The following AGBL3 variants were observed in gnomAD, a reference collection of about 807,000 sequenced individuals.
AGBL3 encodes AGBL carboxypeptidase 3.
A neutral mutation model predicts 94.5 loss-of-function variants in AGBL3; 68 were observed. The ratio of observed to expected loss-of-function variants is 0.72; its 90% CI spans 0.59 to 0.88. The LOEUF is 0.88. AGBL3 is among the 40% of genes least tolerant of loss of function. AGBL3 has a pLI of 0.00. For missense variants in AGBL3, 934 were observed against 1,103.8 expected (o/e 0.85, Z 2.18); for synonymous variants, 354 against 370.7 (o/e 0.95, Z 0.52).
At position 135,081,905 on chromosome 7, in the gene AGBL3, A is replaced by G. The variant is rs74516234; in HGVS notation, c.2110+115A>G. 1,404 of 636,846 alleles carry G rather than the reference A, an allele frequency of 2.2e-3. 21 individuals are homozygous for G. The African/African-American group carries it at 0.024, about 11-fold the overall frequency. 39.4% of individuals were successfully genotyped at this position (636,846 alleles called of 1,614,324 possible). On this transcript the variant is annotated intron_variant, in intron 15 of 16. Transcript: ENST00000436302. ...AACAGTAGAAATTTACTGTATGTCA[A>G]TTTGCTTTTAATTTTACCCAGTCAA...
At chr7:135,118,176 G>A (rs1826596662) in intron 16 of AGBL3, among the ~76,000 whole-genome samples, 1 of 151,580 alleles carries the variant, frequency 6.6e-6, no homozygotes, top group South Asian at 2.1e-4. Flanking sequence ...TTTTAATTAA[G>A]CTAGCTTGAA....
chr7:135,037,794 C>A (rs1203532010), intron 8 of AGBL3, among the ~76,000 whole-genome samples: 1 of 152,066 alleles, frequency 6.6e-6, no homozygotes, highest in East Asian at 1.9e-4. Context: ...TGCCCCCAAA[C>A]CTACCACCAT....
At chr7:134,996,165 A>C (rs897086626) in intron 4 of AGBL3, among the ~76,000 whole-genome samples, 9 of 152,214 alleles carry the variant, frequency 5.9e-5, no homozygotes, top group Non-Finnish European at 1.3e-4. Flanking sequence ...TACTGTGGCA[A>C]GCATTGGGGC....
chr7:135,039,955 AAGTAGGAGGAAGAGAACGAGGAGGAG>A (rs574800384), intron 8 of AGBL3, among the ~76,000 whole-genome samples: 72 of 152,174 alleles, frequency 4.7e-4, no homozygotes, highest in Middle Eastern at 6.8e-3. Flanking sequence ...ATTGATGAGA[AAGTAGGAGGAAGAGAACGAGGAGGAG>A]GGGGAGGCAA....
At chr7:134,987,415 ACAG>A (rs1809609478) in intron 1 of AGBL3, among the ~76,000 whole-genome samples, 2 of 152,240 alleles carry the variant, frequency 1.3e-5, no homozygotes, top group Non-Finnish European at 1.5e-5. Context: ...GAATATTAGA[ACAG>A]ACAGTATCTA....
intron 15 of AGBL3, chr7:135,093,031 T>G (rs1219156703): frequency 8.4e-6 from 1 of 118,874 alleles, no homozygotes; most frequent in African/African-American, 2.9e-5. Flanking sequence ...AGAATCTTCC[T>G]CTACTAAAAA....
chr7:135,059,063 T>C, intron 11 of AGBL3, 106 bp from the exon 12 acceptor site: 2 of 923,786 alleles, frequency 2.2e-6, no homozygotes, highest in Non-Finnish European at 3.3e-6. Flanking sequence ...GGCCACTTCT[T>C]ATAATTAGAA....
chr7:135,064,845 A>G (rs1819142350), intron 12 of AGBL3, among the ~76,000 whole-genome samples: 1 of 152,234 alleles, frequency 6.6e-6, no homozygotes, highest in African/African-American at 2.4e-5. Flanking sequence ...CTTAGTCAAA[A>G]GGGAAATTTG....
At chr7:135,089,398 T>C (rs531743617) in intron 15 of AGBL3, among the ~76,000 whole-genome samples, 45 of 152,210 alleles carry the variant, frequency 3.0e-4, no homozygotes, top group Non-Finnish European at 5.4e-4. Context: ...ATTATGGCTC[T>C]TTAGTGGTGT....
intron 14 of AGBL3, among the ~76,000 whole-genome samples, chr7:135,081,409 T>C (rs1240391784): frequency 1.5e-4 from 23 of 152,126 alleles, no homozygotes; most frequent in Non-Finnish European, 2.9e-5. Context: ...AGTGTTAAAC[T>C]TACATTTTGT....
intron 13 of AGBL3, among the ~76,000 whole-genome samples, chr7:135,079,648 G>A (rs4732088): frequency 0.51 from 71,349 of 139,276 alleles, 17,803 homozygotes; most frequent in South Asian, 0.67. Flanking sequence ...TTTTTTTTTC[G>A]GTAGAGGCGG....
Position 135,026,918 on chromosome 7 carries a change from T to A in AGBL3, c.419-5926T>A, listed in dbSNP as rs35105216. On this transcript the variant is annotated intron_variant, in intron 5 of 16. Transcript: ENST00000436302. Reference sequence around the variant, plus strand: ...TTTTTATTCCTCAGTTACTCCTCTTTTTGGGAAGGTTAATCAAACACCTTT... The same window carrying A: ...TTTTTATTCCTCAGTTACTCCTCTTATTGGGAAGGTTAATCAAACACCTTT... Among the ~76,000 whole-genome samples, 509 of 151,746 alleles carry A rather than the reference T, an allele frequency of 3.4e-3. 78 individuals are homozygous for A. In the East Asian group the frequency reaches 0.092, roughly 27 times the overall value.
chr7:135,101,183 T>C (rs947005613), intron 15 of AGBL3: 1 of 456,048 alleles, frequency 2.2e-6, no homozygotes, highest in African/African-American at 2.0e-5. Flanking sequence ...AGGGAACTGA[T>C]TTGTATGGAA....
At chr7:135,132,599 G>A (rs570784475) in intron 16 of AGBL3, among the ~76,000 whole-genome samples, 20 of 152,256 alleles carry the variant, frequency 1.3e-4, no homozygotes, top group East Asian at 3.9e-4. Flanking sequence ...TAATCCCCAC[G>A]TGTCAAGGCA....
chr7:135,115,491 T>A lies in AGBL3; in HGVS notation c.2222T>A (p.Ile741Lys). 1 of 1,551,378 alleles carries A rather than the reference T, an allele frequency of 6.4e-7. No homozygotes were observed. Among genetic ancestry groups the A allele is most frequent in the Non-Finnish European group, 8.7e-7 (1 of 1,146,764 alleles). Residue 741 changes from isoleucine to lysine, a missense_variant, in exon 16 of 17, where the codon ATA becomes AAA. By Grantham distance (102) the Ile-to-Lys change is moderately radical. This residue lies in a region of AGBL3 where 441 missense variants were observed against 518.2 expected (regional missense o/e 0.85). Coordinates refer to ENST00000436302, the MANE Select transcript of AGBL3 (RefSeq NM_178563.4). The stretch of plus-strand genomic sequence containing the variant: ...AAAAGAAGCTACAAGGATAAAGGAA[T>A]AGTTCAAACTCAAGAAATATTGCAG... ...DEKRSYKDKG[I>K]VQTQEILQYL...
At chr7:135,112,864 G>A (rs1178638989) in intron 15 of AGBL3, among the ~76,000 whole-genome samples, 3 of 152,108 alleles carry the variant, frequency 2.0e-5, no homozygotes, top group Admixed American at 1.3e-4. Flanking sequence ...TGCAACCTCC[G>A]CCTCCTGGGT....
intron 12 of AGBL3, among the ~76,000 whole-genome samples, chr7:135,075,084 CT>C (rs1209128365): frequency 1.3e-5 from 2 of 152,092 alleles, no homozygotes; most frequent in Non-Finnish European, 2.9e-5. Context: ...TCTGTTTCCC[CT>C]AATGGTAACA....
intron 12 of AGBL3, among the ~76,000 whole-genome samples, chr7:135,066,474 G>C (rs1819315295): frequency 6.6e-6 from 1 of 152,172 alleles, no homozygotes; most frequent in African/African-American, 2.4e-5. Context: ...AATTGTGTTT[G>C]CAAGGATGTG....
At chr7:135,002,740 ACT>A (rs574843987) in intron 4 of AGBL3, among the ~76,000 whole-genome samples, 78 of 151,930 alleles carry the variant, frequency 5.1e-4, no homozygotes, top group African/African-American at 1.8e-3. Flanking sequence ...ATTTTCCCAT[ACT>A]CTCATCAATA....
Sources: allele counts gnomAD v4.1 joint callset (sites outside exome capture counted in the v4.1 genomes callset), GRCh38; gene constraint gnomAD v4.1.1; regional missense constraint gnomAD v4.1.1; transcripts MANE v1.5; gene names NCBI Gene and HGNC (gene_info 2026-07-23, HGNC 2026-07-21).